Variants in FLT3 observed in about 807,000 individuals in gnomAD.
FLT3 encodes the protein fms related receptor tyrosine kinase 3, also known as receptor-type tyrosine-protein kinase FLT3.
FLT3 carries 46 observed loss-of-function variants against 126.6 expected under a neutral mutation model. The ratio of observed to expected loss-of-function variants is 0.36; its 90% confidence interval spans 0.29 to 0.46. The LOEUF is 0.46. Among genes scored for constraint, FLT3 ranks in the 20% least tolerant of loss-of-function variants. The pLI is 1.00. For missense variants in FLT3, 1,069 were observed against 1,190.3 expected, an observed-to-expected ratio of 0.90 and a Z score of 1.50; for synonymous variants, 404 against 434.4, an observed-to-expected ratio of 0.93 and a Z score of 0.87.
chr13:28,042,104 C>T (rs962213735), intron 9 of FLT3, among the ~76,000 whole-genome samples: 2 of 150,028 alleles, frequency 1.3e-5, no homozygotes, highest in African/African-American at 2.4e-5. Flanking sequence ...CGAGATCGCA[C>T]CATTGCACTC....
intron 9 of FLT3, among the ~76,000 whole-genome samples, chr13:28,045,299 C>T (rs189830412): frequency 2.0e-5 from 3 of 152,294 alleles, no homozygotes; most frequent in Non-Finnish European, 4.4e-5. Context: ...AGCAACATTA[C>T]CTTATTCACT....
At chr13:28,058,131 G>A (rs1043202913) in intron 3 of FLT3, among the ~76,000 whole-genome samples, 3 of 150,512 alleles carry the variant, frequency 2.0e-5, no homozygotes, top group African/African-American at 7.3e-5. Context: ...GGCCAAGGCT[G>A]GCAGATCACT....
chr13:28,067,931 G>T, intron 2 of FLT3: 1 of 382,446 alleles, frequency 2.6e-6, no homozygotes. Flanking sequence ...CCTGAAATAT[G>T]AGGTCATGAT....
chr13:28,096,918 G>A (rs185911128), intron 1 of FLT3, among the ~76,000 whole-genome samples: 78 of 152,232 alleles, frequency 5.1e-4, no homozygotes, highest in Non-Finnish European at 8.7e-4. Flanking sequence ...TGTACTGCTT[G>A]TGCCTAGCAA....
rs1264886892 is a variant in FLT3 at position 28,074,888 on chromosome 13, G to A, written c.44-4276C>T. Reference sequence around the variant, plus strand: ...GGCTCAAGTTGTCTGCCCACCTTGGGCTCCTCAAGTGCTGGGATTACAGGT... The same window carrying A: ...GGCTCAAGTTGTCTGCCCACCTTGGACTCCTCAAGTGCTGGGATTACAGGT... On this transcript the variant is annotated intron_variant, in intron 1 of 23. Coordinates refer to ENST00000241453, the MANE Select transcript of FLT3 (RefSeq NM_004119.3). Among the ~76,000 whole-genome samples the A allele has an allele frequency of 2.0e-5, 3 of 151,984 alleles. No individual in the cohort carries two copies. In the East Asian group the frequency reaches 5.8e-4, roughly 29 times the overall value.
Position 28,034,328 on chromosome 13 carries a change from G to A in FLT3, c.1677C>T (p.Thr559=). 1 of 1,613,748 alleles carries A rather than the reference G, an allele frequency of 6.2e-7. No individual in the cohort carries two copies. The highest frequency in any genetic ancestry group is 2.2e-5 in the East Asian group (1 of 44,868). The change falls in exon 13 of 24, where the codon ACC becomes ACT. Residue 559 remains threonine, a synonymous_variant. Transcript: ENST00000241453. ...GVCLLFIVVL[T]LLICHKYKKQ... is the part of the protein sequence containing the mutation. The stretch of plus-strand genomic sequence containing the variant: ...TTTTGTACTTGTGACAAATTAGCAG[G>A]GTTAAAACGACAATGAAGAGGAGAC...
At chr13:28,053,338 A>G (rs1444224621) in intron 4 of FLT3, among the ~76,000 whole-genome samples, 1 of 149,748 alleles carries the variant, frequency 6.7e-6, no homozygotes, top group East Asian at 1.9e-4. Flanking sequence ...GTTTCCCTAT[A>G]CTGAATTCCA....
At chr13:28,068,117 T>C (rs1238469981) in intron 2 of FLT3, 2 of 153,544 alleles carry the variant, frequency 1.3e-5, no homozygotes, top group African/African-American at 4.8e-5. Flanking sequence ...AATGTGACAT[T>C]AAATGCAGCT....
At position 28,036,063 on chromosome 13, in the gene FLT3, A is replaced by G. The variant is rs1375724700; in HGVS notation, c.1310-20T>C. ...GTTTCCCTATAGAAAAGAACGTGTG[A>G]AATAAGCTCACTGGCTGGGCATAGT... On this transcript the variant is annotated intron_variant, in intron 10 of 23. Transcript: ENST00000241453. 1 of 1,596,102 alleles carries G rather than the reference A, an allele frequency of 6.3e-7. No individual in the cohort carries two copies. The highest frequency in any genetic ancestry group is 1.7e-5 in the Admixed American group (1 of 60,002).
In FLT3 at chr13:28,062,055, C is replaced by G. The variant is rs749445819; in HGVS notation, c.180G>C (p.Pro60=). 1 of 1,611,934 alleles carries G rather than the reference C, an allele frequency of 6.2e-7. No individual in the cohort carries two copies. The highest frequency in any genetic ancestry group is 8.5e-7 in the Non-Finnish European group (1 of 1,179,828). Residue 60 remains proline (P), a synonymous_variant, in exon 3 of 24, where the codon CCG becomes CCC. Transcript: ENST00000241453. ...GTCTCAACGCACACCCGAGGTCTTC[C>G]GGGGATTCTGATACCTACGTTGCAG... ...SSSYPMVSES[P]EDLGCALRPQ...
intron 4 of FLT3, among the ~76,000 whole-genome samples, chr13:28,053,473 C>T (rs893188949): frequency 2.0e-5 from 3 of 149,654 alleles, no homozygotes; most frequent in Non-Finnish European, 4.4e-5. Context: ...CCCACGGAGC[C>T]ACTATCCACC....
rs546998142 is a variant in FLT3 at position 28,054,069 on chromosome 13, G to A, written c.485-1395C>T. On this transcript the variant is annotated intron_variant, in intron 4 of 23. Coordinates refer to ENST00000241453, the MANE Select transcript of FLT3 (RefSeq NM_004119.3). Reference sequence around the variant, plus strand: ...TGAACATTCTACACATTTGTACTGAGGCATGTGTATAACAGTTTCCTTAAT... The same window carrying A: ...TGAACATTCTACACATTTGTACTGAAGCATGTGTATAACAGTTTCCTTAAT... Among the ~76,000 whole-genome samples, 29 of 152,204 alleles carry A rather than the reference G, an allele frequency of 1.9e-4. No homozygotes were observed. The South Asian group carries it at 4.8e-3, about 25-fold the overall frequency.
intron 19 of FLT3, among the ~76,000 whole-genome samples, chr13:28,018,993 G>A (rs1316938035): frequency 6.9e-6 from 1 of 144,376 alleles, no homozygotes; most frequent in Non-Finnish European, 1.5e-5. Context: ...TTGAGACGGA[G>A]TTTCACTCTT....
intron 23 of FLT3, among the ~76,000 whole-genome samples, chr13:28,012,334 G>A (rs1407008737): frequency 2.0e-5 from 3 of 152,068 alleles, no homozygotes; most frequent in Non-Finnish European, 4.4e-5. Flanking sequence ...GACATCCTGT[G>A]AGTATGGGGA....
chr13:28,089,214 G>A (rs775049341), intron 1 of FLT3, among the ~76,000 whole-genome samples: 3 of 152,274 alleles, frequency 2.0e-5, no homozygotes, highest in South Asian at 2.1e-4. Flanking sequence ...ACATGCTGAC[G>A]ATGACCTTGA....
At chr13:28,004,808 A>G (rs1004643664) in intron 23 of FLT3, among the ~76,000 whole-genome samples, 1 of 152,214 alleles carries the variant, frequency 6.6e-6, no homozygotes, top group Non-Finnish European at 1.5e-5. Context: ...ACTCTCAGAT[A>G]TAAAATGTCA....
intron 2 of FLT3, among the ~76,000 whole-genome samples, chr13:28,062,306 C>T (rs567725650): frequency 1.8e-4 from 27 of 152,088 alleles, no homozygotes; most frequent in Non-Finnish European, 2.9e-5. Context: ...ACTGTCATGG[C>T]GTGTGTCCCC....
In FLT3 at chr13:28,100,216, C is replaced by T. The variant is rs1268029544; in HGVS notation, c.43+252G>A. Among the ~76,000 whole-genome samples the T allele has an allele frequency of 6.6e-6, 1 of 152,048 alleles. No individual in the cohort carries two copies. Among genetic ancestry groups the T allele is most frequent in the Non-Finnish European group, 1.5e-5 (1 of 67,978 alleles). ...CGAAGTCCGGGCCGCCACTCGGGAC[C>T]GCGGCCCGAGCCAGAGGAGAGACTT... On this transcript the variant is annotated intron_variant, in intron 1 of 23. Transcript: ENST00000241453. This position sits in a 1 kb window ranked among gnomAD's most constrained non-coding sequence, Gnocchi z 4.8.
At chr13:28,019,339 C>T (rs1008561937) in intron 19 of FLT3, among the ~76,000 whole-genome samples, 46 of 152,112 alleles carry the variant, frequency 3.0e-4, no homozygotes, top group African/African-American at 1.1e-3. Context: ...ATCGGAAAAA[C>T]AAAAAGCTAA....
Sources: allele counts gnomAD v4.1 joint callset (sites outside exome capture counted in the v4.1 genomes callset), GRCh38; gene constraint gnomAD v4.1.1; non-coding constraint Gnocchi (gnomAD v3.1); transcripts MANE v1.5; gene names NCBI Gene and HGNC (gene_info 2026-07-23, HGNC 2026-07-21).